The following GABBR2 variants were observed in gnomAD, a reference collection of about 807,000 sequenced individuals.
The protein encoded by GABBR2 is G-protein coupled receptor 51.
A neutral mutation model predicts 105.6 loss-of-function variants in GABBR2; 23 were observed. The ratio of observed to expected loss-of-function variants is 0.22; its 90% CI spans 0.16 to 0.31. The LOEUF (loss-of-function observed/expected upper bound fraction) is 0.31, where lower values mean the gene tolerates loss of function less well. Ranked by LOEUF, GABBR2 falls within the 10% of genes least tolerant of loss-of-function variation. The probability of loss-of-function intolerance (pLI) is 1.00; values close to 1 mark genes in which losing one functional copy is unlikely to be tolerated. For synonymous variants in GABBR2, 478 were observed against 499.7 expected (o/e 0.96, Z 0.58); for missense variants, 734 against 1,245.5 (o/e 0.59, Z 6.18).
intron 1 of GABBR2, among the ~76,000 whole-genome samples, chr9:98,706,391 T>C (rs1293681860): frequency 6.6e-6 from 1 of 152,232 alleles, no homozygotes; most frequent in Non-Finnish European, 1.5e-5. Flanking sequence ...GCCCTGGCTC[T>C]GGGCCCCTTC....
At chr9:98,703,620 G>C (rs1167334661) in intron 1 of GABBR2, among the ~76,000 whole-genome samples, 6 of 151,918 alleles carry the variant, frequency 3.9e-5, no homozygotes, top group Admixed American at 3.9e-4. Flanking sequence ...AACCTCCCTA[G>C]TGGCTGGGAC....
chr9:98,294,655 T>C (rs1336103516), intron 17 of GABBR2, among the ~76,000 whole-genome samples: 1 of 152,184 alleles, frequency 6.6e-6, no homozygotes, highest in Non-Finnish European at 1.5e-5. Flanking sequence ...TTTTTGTATT[T>C]GTAGTAGAGA....
intron 7 of GABBR2, among the ~76,000 whole-genome samples, chr9:98,421,763 T>C (rs1254872498): frequency 3.9e-5 from 6 of 152,198 alleles, no homozygotes. Context: ...GTTTAACAGA[T>C]GACAGTTGGA....
At chr9:98,449,715 G>T (rs1826199653) in intron 7 of GABBR2, among the ~76,000 whole-genome samples, 3 of 152,138 alleles carry the variant, frequency 2.0e-5, no homozygotes, top group Admixed American at 2.0e-4. Flanking sequence ...AGAATGCTCT[G>T]GGCTTTTGAG....
At chr9:98,327,153 C>T (rs543305985) in intron 13 of GABBR2, among the ~76,000 whole-genome samples, 20 of 152,298 alleles carry the variant, frequency 1.3e-4, no homozygotes, top group African/African-American at 4.6e-4. Context: ...TATAGCAGCA[C>T]TGATTTTCCA....
intron 6 of GABBR2, among the ~76,000 whole-genome samples, chr9:98,464,517 G>A (rs974537712): frequency 3.4e-5 from 5 of 148,680 alleles, no homozygotes; most frequent in African/African-American, 9.9e-5. Context: ...CAGCCGCCCC[G>A]TCTGGGAGGT....
intron 2 of GABBR2, among the ~76,000 whole-genome samples, chr9:98,561,102 T>A (rs533907679): frequency 2.0e-4 from 30 of 152,296 alleles, no homozygotes; most frequent in Admixed American, 1.2e-3. Flanking sequence ...GGCATTTTTT[T>A]AATTTTTTGA....
At chr9:98,704,231 G>A (rs1453965248) in intron 1 of GABBR2, among the ~76,000 whole-genome samples, 1 of 152,154 alleles carries the variant, frequency 6.6e-6, no homozygotes, top group Non-Finnish European at 1.5e-5. Context: ...CCTTTTTAAA[G>A]CATAGTGAAT....
rs556504097 is a variant in GABBR2, at chr9:98,382,639, TC to T, written c.1662+3000del. ...CCCAGTACCATTTCCATTACTGTAA[TC>T]ATCACTGTGTCCTAAAACTTGGGGA... is the stretch of plus-strand genomic sequence containing the variant. On this transcript the variant is annotated intron_variant, in intron 11 of 18. Coordinates refer to ENST00000259455, the MANE Select transcript of GABBR2 (RefSeq NM_005458.8). 2.7e-3 allele frequency among the ~76,000 whole-genome samples: 409 copies of T among 152,092 alleles called. 3 individuals carry two copies. Among genetic ancestry groups the T allele is most frequent in the Admixed American group, 3.8e-3 (58 of 15,292 alleles).
chr9:98,414,535 T>C (rs1832651726), intron 7 of GABBR2, among the ~76,000 whole-genome samples: 1 of 152,192 alleles, frequency 6.6e-6, no homozygotes, highest in South Asian at 2.1e-4. Flanking sequence ...CTGAAGGGTT[T>C]TAATGAGGGG....
At chr9:98,694,832 G>A (rs545594363) in intron 1 of GABBR2, among the ~76,000 whole-genome samples, 2 of 152,276 alleles carry the variant, frequency 1.3e-5, no homozygotes, top group East Asian at 1.9e-4. Flanking sequence ...TAAAACTAAG[G>A]TGCAGAGAAG....
At chr9:98,467,940 C>A (rs1474583778) in intron 6 of GABBR2, among the ~76,000 whole-genome samples, 2 of 152,310 alleles carry the variant, frequency 1.3e-5, no homozygotes, top group South Asian at 2.1e-4. Flanking sequence ...GGAAACAAAA[C>A]GAACAGGACT....
At chr9:98,562,846 G>C (rs1241135862) in intron 2 of GABBR2, among the ~76,000 whole-genome samples, 1 of 152,034 alleles carries the variant, frequency 6.6e-6, no homozygotes, top group Non-Finnish European at 1.5e-5. Context: ...TAGGTGAGAG[G>C]ATCACTTGAG....
At chr9:98,683,363 A>G (rs1830574775) in intron 1 of GABBR2, among the ~76,000 whole-genome samples, 1 of 152,152 alleles carries the variant, frequency 6.6e-6, no homozygotes, top group African/African-American at 2.4e-5. Context: ...TCGGCCTCCC[A>G]AAGTGCTGGG....
At chr9:98,411,290 G>A (rs1832587106) in intron 7 of GABBR2, among the ~76,000 whole-genome samples, 1 of 152,224 alleles carries the variant, frequency 6.6e-6, no homozygotes, top group Non-Finnish European at 1.5e-5. Context: ...AGAATGTATA[G>A]GGTAACTTAC....
intron 13 of GABBR2, among the ~76,000 whole-genome samples, chr9:98,356,635 T>G (rs1405340683): frequency 6.6e-6 from 1 of 152,226 alleles, no homozygotes; most frequent in African/African-American, 2.4e-5. Context: ...CCTCTTACCA[T>G]ATAATCATAA....
At chr9:98,655,621 T>C (rs1461518249) in intron 1 of GABBR2, among the ~76,000 whole-genome samples, 1 of 152,124 alleles carries the variant, frequency 6.6e-6, no homozygotes, top group African/African-American at 2.4e-5. Flanking sequence ...ATAAAGAAGA[T>C]GTGGCATATA....
chr9:98,366,504 T>C (rs1003732369), intron 12 of GABBR2, among the ~76,000 whole-genome samples: 6 of 152,248 alleles, frequency 3.9e-5, no homozygotes, highest in Non-Finnish European at 7.3e-5. Flanking sequence ...CTGCAAAGTC[T>C]TACCTATTGA....
At chr9:98,321,295 C>T (rs1588100123) in intron 13 of GABBR2, among the ~76,000 whole-genome samples, 1 of 152,222 alleles carries the variant, frequency 6.6e-6, no homozygotes, top group Non-Finnish European at 1.5e-5. Context: ...CAAGCAAATC[C>T]CTTCCCCTCA....
Sources: gnomAD v4.1 joint callset for allele counts (sites outside exome capture counted in the v4.1 genomes callset) on GRCh38, gnomAD v4.1.1 for gene constraint, MANE v1.5 for transcripts, NCBI Gene and HGNC (gene_info 2026-07-23, HGNC 2026-07-21) for gene names.